Variants in ZNF366 observed in about 807,000 individuals in gnomAD.
ZNF366 encodes zinc finger protein 366.
In ZNF366, 20 loss-of-function variants were observed where a neutral mutation model predicts 47.2. The ratio of observed to expected loss-of-function variants is 0.42; its 90% CI spans 0.30 to 0.62. The LOEUF (loss-of-function observed/expected upper bound fraction) is 0.62. ZNF366 is among the 20% of genes least tolerant of loss of function. ZNF366 has a pLI of 0.16. For synonymous variants in ZNF366, 421 were observed against 395.1 expected, an observed-to-expected ratio of 1.07 and a Z score of -0.78; for missense variants, 987 against 976.3, an observed-to-expected ratio of 1.01 and a Z score of -0.15.
At chr5:72,470,641 A>T (rs563236525) in intron 1 of ZNF366, among the ~76,000 whole-genome samples, 46 of 152,328 alleles carry the variant, frequency 3.0e-4, no homozygotes, top group African/African-American at 1.1e-3. Flanking sequence ...CATTACTTGG[A>T]AATTTACTTG....
At chr5:72,446,428 C>A (rs1242763508) in intron 4 of ZNF366, among the ~76,000 whole-genome samples, 1 of 152,192 alleles carries the variant, frequency 6.6e-6, no homozygotes, top group Admixed American at 6.5e-5. Context: ...CTGCTTTGGA[C>A]ACAAGTGCAT....
chr5:72,448,781 T>C (rs946278013), intron 3 of ZNF366, among the ~76,000 whole-genome samples: 1 of 152,142 alleles, frequency 6.6e-6, no homozygotes, highest in Non-Finnish European at 1.5e-5. Context: ...GGGAGATGAG[T>C]GTTGAGCTCG....
chr5:72,505,708 C>A (rs1266952773), intron 1 of ZNF366, among the ~76,000 whole-genome samples: 2 of 152,208 alleles, frequency 1.3e-5, no homozygotes, highest in East Asian at 1.9e-4. Flanking sequence ...AGATCGCAGA[C>A]CTGCGTTTTC....
Position 72,460,907 on chromosome 5 carries a change from G to C in ZNF366, c.590C>G (p.Pro197Arg). The C allele has an allele frequency of 5.6e-6, 9 of 1,613,066 alleles. No individual in the cohort carries two copies. Among genetic ancestry groups the C allele is most frequent in the Non-Finnish European group, 7.6e-6 (9 of 1,179,296 alleles). Residue 197 changes from proline to arginine, a missense_variant, in exon 2 of 5, where the codon CCC becomes CGC. Physicochemically the swap from Pro to Arg is moderately radical, Grantham distance 103. Around this residue, in one of 3 missense-constraint regions of ZNF366, gnomAD observed 591 missense variants for 560.9 expected, o/e 1.05. Transcript: ENST00000318442. ...PFFVPSSSPF[P>R]FSRHTFLPKQ... ...GGGCAGGAAGGTGTGCCGGCTGAAG[G>C]GGAAGGGCGAGGACGAGGGCACGAA...
intron 1 of ZNF366, among the ~76,000 whole-genome samples, chr5:72,496,854 T>C (rs1452220838): frequency 6.6e-6 from 1 of 152,244 alleles, no homozygotes; most frequent in East Asian, 1.9e-4. Flanking sequence ...TGATATCTCA[T>C]CATGGTTTTA....
chr5:72,487,845 A>G (rs924251119), intron 1 of ZNF366, among the ~76,000 whole-genome samples: 1 of 152,212 alleles, frequency 6.6e-6, no homozygotes, highest in Non-Finnish European at 1.5e-5. Context: ...TACCTGTGGC[A>G]GACTGCTTAG....
intron 3 of ZNF366, among the ~76,000 whole-genome samples, chr5:72,456,103 A>G (rs1337790864): frequency 6.6e-6 from 1 of 152,154 alleles, no homozygotes; most frequent in Non-Finnish European, 1.5e-5. Context: ...ATCCTTTAAC[A>G]GCCTCCTTCT....
intron 1 of ZNF366, among the ~76,000 whole-genome samples, chr5:72,473,024 T>C (rs1297828922): frequency 6.6e-6 from 1 of 152,228 alleles, no homozygotes; most frequent in Non-Finnish European, 1.5e-5. Flanking sequence ...TGGGATCTCC[T>C]TGAAGCCAGG....
intron 1 of ZNF366, among the ~76,000 whole-genome samples, chr5:72,463,885 A>G (rs1055773947): frequency 1.3e-5 from 2 of 152,374 alleles, no homozygotes; most frequent in African/African-American, 4.8e-5. Flanking sequence ...ACTTTCAACA[A>G]GACTAAACGT....
At chr5:72,504,015 A>T (rs1403346634) in intron 1 of ZNF366, among the ~76,000 whole-genome samples, 1 of 152,182 alleles carries the variant, frequency 6.6e-6, no homozygotes, top group African/African-American at 2.4e-5. Flanking sequence ...GAAAAATAGC[A>T]GTTGGATCAA....
At position 72,460,480 on chromosome 5, in the gene ZNF366, G is replaced by A. The variant is rs1473520700; in HGVS notation, c.1017C>T (p.Cys339=). The A allele has an allele frequency of 3.7e-6, 6 of 1,613,972 alleles. No homozygotes were observed. The highest frequency in any genetic ancestry group is 1.7e-5 in the Admixed American group (1 of 60,012). ...AGGCAAAGCCGCGGCCGCACACGCG[G>A]CAGTTGTGCGGCTTCACCTCGCTGT... ...MQHSEVKPHN[C]RVCGRGFAYP... Residue 339 remains cysteine (C), a synonymous_variant, in exon 2 of 5, where the codon TGC becomes TGT. Coordinates refer to ENST00000318442, the MANE Select transcript of ZNF366 (RefSeq NM_152625.3).
intron 1 of ZNF366, chr5:72,494,116 A>T (rs2112353384): frequency 6.6e-6 from 1 of 152,172 alleles, no homozygotes; most frequent in South Asian, 2.1e-4. Flanking sequence ...ACTGTAACAT[A>T]AACGTAACAT....
At chr5:72,452,955 C>A (rs1013930962) in intron 3 of ZNF366, among the ~76,000 whole-genome samples, 3 of 152,086 alleles carry the variant, frequency 2.0e-5, no homozygotes, top group Non-Finnish European at 2.9e-5. Flanking sequence ...CAGCTGGCTC[C>A]AAGAAGCACG....
intron 4 of ZNF366, among the ~76,000 whole-genome samples, chr5:72,446,357 A>G (rs752035104): frequency 6.6e-6 from 1 of 152,192 alleles, no homozygotes; most frequent in Non-Finnish European, 1.5e-5. Context: ...TTTTGCAAAC[A>G]CAGACATCCT....
At chr5:72,477,527 G>T (rs1743698461) in intron 1 of ZNF366, among the ~76,000 whole-genome samples, 1 of 152,172 alleles carries the variant, frequency 6.6e-6, no homozygotes, top group Admixed American at 6.5e-5. Context: ...TCCTGGGTTA[G>T]TGTTTTACCC....
chr5:72,487,797 A>T (rs950935858), intron 1 of ZNF366, among the ~76,000 whole-genome samples: 2 of 152,210 alleles, frequency 1.3e-5, no homozygotes, highest in African/African-American at 2.4e-5. Flanking sequence ...GTATTTTGCA[A>T]AATGCAAAAT....
At chr5:72,503,581 A>C (rs1744259179) in intron 1 of ZNF366, among the ~76,000 whole-genome samples, 1 of 152,002 alleles carries the variant, frequency 6.6e-6, no homozygotes, top group Non-Finnish European at 1.5e-5. Flanking sequence ...TTACTTATTT[A>C]TCCCATTTTG....
intron 1 of ZNF366, among the ~76,000 whole-genome samples, chr5:72,478,015 G>GT (rs920353196): frequency 9.3e-5 from 14 of 150,664 alleles, no homozygotes; most frequent in Admixed American, 2.6e-4. Context: ...TTGAGGGTTT[G>GT]TTTTTTTTTA....
intron 1 of ZNF366, among the ~76,000 whole-genome samples, chr5:72,481,361 A>C (rs1282616191): frequency 1.3e-5 from 2 of 152,128 alleles, no homozygotes; most frequent in East Asian, 1.9e-4. Context: ...TACCACCAAG[A>C]GTTACTGTGT....
Sources: allele counts gnomAD v4.1 joint callset (sites outside exome capture counted in the v4.1 genomes callset), GRCh38; gene constraint gnomAD v4.1.1; regional missense constraint gnomAD v4.1.1; transcripts MANE v1.5; gene names NCBI Gene and HGNC (gene_info 2026-07-23, HGNC 2026-07-21).